The following NEGR1 variants were observed in gnomAD, a reference collection of about 807,000 sequenced individuals.
NEGR1 encodes the protein IgLON family member 4.
NEGR1 carries 10 observed loss-of-function variants against 40.9 expected under a neutral mutation model. That is an observed-to-expected ratio of 0.24 (90% CI 0.15 to 0.42). The LOEUF (loss-of-function observed/expected upper bound fraction) is 0.42. Among genes scored for constraint, NEGR1 ranks in the 10% least tolerant of loss-of-function variants. NEGR1 has a pLI of 1.00. For synonymous variants in NEGR1, 185 were observed against 166.8 expected (o/e 1.11, Z -0.84); for missense variants, 352 against 438.9 (o/e 0.80, Z 1.77).
At chr1:72,068,887 T>C (rs1647349337) in intron 1 of NEGR1, among the ~76,000 whole-genome samples, 1 of 152,116 alleles carries the variant, frequency 6.6e-6, no homozygotes, top group South Asian at 2.1e-4. Context: ...ACAAAACACA[T>C]GTTTATCATG....
chr1:72,269,906 T>G (rs2100556621), intron 1 of NEGR1, among the ~76,000 whole-genome samples: 1 of 151,936 alleles, frequency 6.6e-6, no homozygotes, highest in African/African-American at 2.4e-5. Context: ...TTCACGTTTC[T>G]TCAACTATAG....
At chr1:71,708,560 G>A (rs1028022033) in intron 3 of NEGR1, among the ~76,000 whole-genome samples, 6 of 151,662 alleles carry the variant, frequency 4.0e-5, no homozygotes, top group Non-Finnish European at 7.4e-5. Context: ...CTAAATGGAA[G>A]GAAACAAATT....
chr1:72,091,480 C>T (rs1458834651), intron 1 of NEGR1, among the ~76,000 whole-genome samples: 2 of 150,490 alleles, frequency 1.3e-5, no homozygotes, highest in African/African-American at 2.5e-5. Flanking sequence ...TTCCTTCTCC[C>T]GTTGTATGAG....
At chr1:71,822,238 T>C (rs1010181519) in intron 2 of NEGR1, among the ~76,000 whole-genome samples, 3 of 151,904 alleles carry the variant, frequency 2.0e-5, no homozygotes, top group Non-Finnish European at 4.4e-5. Context: ...GGCTAGACTG[T>C]CACAGACAAG....
chr1:71,512,072 T>C (rs994428806), intron 6 of NEGR1, among the ~76,000 whole-genome samples: 6 of 152,330 alleles, frequency 3.9e-5, no homozygotes, highest in African/African-American at 1.4e-4. Flanking sequence ...GAATATCTTG[T>C]TTAATTAAAG....
At chr1:71,724,533 A>T (rs1402401536) in intron 3 of NEGR1, among the ~76,000 whole-genome samples, 1 of 151,952 alleles carries the variant, frequency 6.6e-6, no homozygotes, top group Non-Finnish European at 1.5e-5. Flanking sequence ...ATTGGATGGC[A>T]TATGTTGTTA....
chr1:72,120,644 A>ATGCTATCCCTC (rs1649765283), intron 1 of NEGR1, among the ~76,000 whole-genome samples: 1 of 151,834 alleles, frequency 6.6e-6, no homozygotes, highest in African/African-American at 2.4e-5. Flanking sequence ...GTATCTCCCA[A>ATGCTATCCCTC]TGCTATCCCT....
chr1:72,217,262 T>C (rs1385698738), intron 1 of NEGR1, among the ~76,000 whole-genome samples: 1 of 151,802 alleles, frequency 6.6e-6, no homozygotes, highest in African/African-American at 2.4e-5. Flanking sequence ...ATTATGATGT[T>C]TCAATTATGA....
chr1:71,862,926 A>G (rs1659994922), intron 2 of NEGR1, among the ~76,000 whole-genome samples: 1 of 152,166 alleles, frequency 6.6e-6, no homozygotes, highest in African/African-American at 2.4e-5. Flanking sequence ...CAGAATGCTG[A>G]TTATTAAAAA....
chr1:72,149,243 T>A (rs895360755), intron 1 of NEGR1, among the ~76,000 whole-genome samples: 3 of 152,118 alleles, frequency 2.0e-5, no homozygotes, highest in Non-Finnish European at 2.9e-5. Context: ...TCGTGAGACT[T>A]ATTCACTATC....
At chr1:71,520,323 G>T (rs1337065716) in intron 6 of NEGR1, among the ~76,000 whole-genome samples, 1 of 152,080 alleles carries the variant, frequency 6.6e-6, no homozygotes, top group Non-Finnish European at 1.5e-5. Context: ...CTGACATGCT[G>T]TGGAGACAGG....
At chr1:71,902,583 A>T (rs894607194) in intron 2 of NEGR1, among the ~76,000 whole-genome samples, 20 of 152,236 alleles carry the variant, frequency 1.3e-4, no homozygotes, top group African/African-American at 4.6e-4. Flanking sequence ...GCCATTTAGT[A>T]TTCACCCAAT....
intron 2 of NEGR1, among the ~76,000 whole-genome samples, chr1:71,879,210 G>A (rs1660517127): frequency 6.6e-6 from 1 of 151,818 alleles, no homozygotes; most frequent in African/African-American, 2.4e-5. Context: ...TTATACAAAT[G>A]TGTAAAGGAT....
chr1:72,264,269 T>C (rs1655563922), intron 1 of NEGR1, among the ~76,000 whole-genome samples: 1 of 151,278 alleles, frequency 6.6e-6, no homozygotes, highest in African/African-American at 2.4e-5. Flanking sequence ...AAGCCTGTGT[T>C]TATTCATTTG....
At chr1:72,171,515 A>C (rs1456067246) in intron 1 of NEGR1, among the ~76,000 whole-genome samples, 2 of 152,190 alleles carry the variant, frequency 1.3e-5, no homozygotes, top group Non-Finnish European at 2.9e-5. Context: ...TGAGATTCTA[A>C]GGGCTTTTGA....
At chr1:71,895,062 G>T (rs1199443563) in intron 2 of NEGR1, among the ~76,000 whole-genome samples, 1 of 152,156 alleles carries the variant, frequency 6.6e-6, no homozygotes, top group East Asian at 1.9e-4. Context: ...TAACTACCAT[G>T]TGTCCTCAAT....
At chr1:72,166,536 T>TA (rs1285097391) in intron 1 of NEGR1, among the ~76,000 whole-genome samples, 1 of 152,108 alleles carries the variant, frequency 6.6e-6, no homozygotes, top group African/African-American at 2.4e-5. Flanking sequence ...CCTCAGTGTC[T>TA]ACCAGCAGAC....
At chr1:71,612,592 T>C (rs1166488197) in intron 4 of NEGR1, among the ~76,000 whole-genome samples, 1 of 152,050 alleles carries the variant, frequency 6.6e-6, no homozygotes, top group Non-Finnish European at 1.5e-5. Context: ...TGTTAGAAGG[T>C]GATAAACAAT....
At chr1:72,040,576 CCA>C (rs1646943204) in intron 1 of NEGR1, among the ~76,000 whole-genome samples, 2 of 32,632 alleles carry the variant, frequency 6.1e-5, no homozygotes, top group East Asian at 1.8e-3. Flanking sequence ...AGAGCACTGA[CCA>C]AAAAAAAAAA....
Sources: gnomAD v4.1 joint callset for allele counts (sites outside exome capture counted in the v4.1 genomes callset) on GRCh38, gnomAD v4.1.1 for gene constraint, MANE v1.5 for transcripts, NCBI Gene and HGNC (gene_info 2026-07-23, HGNC 2026-07-21) for gene names.